The following TMEM39B variants were observed in gnomAD, a reference collection of about 807,000 sequenced individuals.
TMEM39B encodes the protein transmembrane protein 39B.
Under a neutral mutation model 52.2 loss-of-function variants are expected in TMEM39B, and 23 were observed. The observed-to-expected ratio is 0.44, with a 90% CI of 0.32 to 0.62. TMEM39B has a LOEUF of 0.62. TMEM39B is among the 20% of genes least tolerant of loss of function. TMEM39B has a pLI of 0.06. For synonymous variants in TMEM39B, 285 were observed against 264.0 expected (o/e 1.08, Z -0.77); for missense variants, 547 against 642.0 (o/e 0.85, Z 1.60).
chr1:32,102,723 CT>C lies in TMEM39B; in HGVS notation c.*51del. 1 of 1,418,780 alleles carries C rather than the reference CT, an allele frequency of 7.0e-7. No homozygotes were observed. 87.9% of individuals were successfully genotyped at this position (1,418,780 alleles called of 1,614,324 possible). On this transcript the variant is annotated 3_prime_UTR_variant, in exon 9 of 9. Transcript: ENST00000336294. Reference sequence around the variant, plus strand: ...CGTCCAGGCTTCAGCCAAGGGCTCCCTGGCAAGGGGCTGTTGGGTAGAAGTG... The same window carrying C: ...CGTCCAGGCTTCAGCCAAGGGCTCCCGGCAAGGGGCTGTTGGGTAGAAGTG...
intron 7 of TMEM39B, among the ~76,000 whole-genome samples, chr1:32,098,095 C>G (rs1248080789): frequency 6.6e-6 from 1 of 152,008 alleles, no homozygotes. Flanking sequence ...CTTCCGGGTT[C>G]AAGCGATTCT....
At chr1:32,078,773 T>C (rs1054534166) in intron 5 of TMEM39B, among the ~76,000 whole-genome samples, 13 of 152,088 alleles carry the variant, frequency 8.5e-5, no homozygotes, top group African/African-American at 3.1e-4. Context: ...CCCAAGTAAC[T>C]GGGATTACAG....
chr1:32,088,689 C>T (rs1485243328), intron 5 of TMEM39B, among the ~76,000 whole-genome samples: 1 of 151,636 alleles, frequency 6.6e-6, no homozygotes, highest in Non-Finnish European at 1.5e-5. Flanking sequence ...TCTAACCTGT[C>T]AGAGCAGTCT....
At chr1:32,086,779 A>G (rs1640367651) in intron 5 of TMEM39B, among the ~76,000 whole-genome samples, 1 of 151,206 alleles carries the variant, frequency 6.6e-6, no homozygotes, top group South Asian at 2.1e-4. Context: ...AAAAAAAAAA[A>G]GAGAGAGAAA....
intron 7 of TMEM39B, among the ~76,000 whole-genome samples, chr1:32,099,232 CA>C (rs35757706): frequency 0.01 from 878 of 86,438 alleles, 2 homozygotes; most frequent in Non-Finnish European, 0.012. Flanking sequence ...GACTCTGTCT[CA>C]AAAAAAAAAA....
intron 3 of TMEM39B, chr1:32,076,403 GC>G (rs1639862579): frequency 2.7e-6 from 1 of 369,520 alleles, no homozygotes; most frequent in South Asian, 2.1e-5. Flanking sequence ...GAGCCACCGC[GC>G]CCGGCCAGGA....
chr1:32,083,193 T>G (rs1640187524), intron 5 of TMEM39B, among the ~76,000 whole-genome samples: 1 of 143,218 alleles, frequency 7.0e-6, no homozygotes, highest in Non-Finnish European at 1.5e-5. Context: ...CAAGTGATTC[T>G]CCTCCCTCAG....
At chr1:32,089,678 ACT>A (rs1279551221) in intron 5 of TMEM39B, among the ~76,000 whole-genome samples, 6 of 146,888 alleles carry the variant, frequency 4.1e-5, no homozygotes, top group Non-Finnish European at 7.5e-5. Flanking sequence ...ATGGAGTCTC[ACT>A]CTGTTACCCA....
chr1:32,081,035 A>G (rs1349540900), intron 5 of TMEM39B, among the ~76,000 whole-genome samples: 2 of 151,968 alleles, frequency 1.3e-5, no homozygotes, highest in Non-Finnish European at 2.9e-5. Flanking sequence ...GTCTCTAAAA[A>G]TAAATAAATA....
chr1:32,080,401 C>G (rs1390256079), intron 5 of TMEM39B, among the ~76,000 whole-genome samples: 1 of 151,878 alleles, frequency 6.6e-6, no homozygotes, highest in Non-Finnish European at 1.5e-5. Flanking sequence ...CGCGGTGGCT[C>G]ATGCCTGTAA....
At chr1:32,082,326 C>T (rs1431219137) in intron 5 of TMEM39B, among the ~76,000 whole-genome samples, 7 of 152,086 alleles carry the variant, frequency 4.6e-5, no homozygotes. Context: ...AATTAAAAAC[C>T]AGTATGTGGC....
At chr1:32,095,052 T>G (rs549982507) in intron 7 of TMEM39B, 81 bp downstream of exon 7, 3 of 1,476,250 alleles carry the variant, frequency 2.0e-6, no homozygotes, top group Middle Eastern at 2.0e-4. Flanking sequence ...GCTGATTAAC[T>G]TATTTAGTTA....
intron 6 of TMEM39B, among the ~76,000 whole-genome samples, chr1:32,093,024 C>G (rs1640667451): frequency 1.3e-5 from 2 of 152,224 alleles, no homozygotes; most frequent in South Asian, 4.1e-4. Context: ...AAAGCCTGTG[C>G]TCTCTTTGTC....
intron 5 of TMEM39B, among the ~76,000 whole-genome samples, chr1:32,085,305 CTCTCTT>C (rs1197646992): frequency 6.6e-6 from 1 of 152,132 alleles, no homozygotes; most frequent in African/African-American, 2.4e-5. Context: ...CTCTCTCTCT[CTCTCTT>C]TGTATGTGCA....
At chr1:32,096,011 C>T (rs1413027435) in intron 7 of TMEM39B, among the ~76,000 whole-genome samples, 2 of 152,148 alleles carry the variant, frequency 1.3e-5, no homozygotes, top group South Asian at 2.1e-4. Context: ...TGGTCCTTCG[C>T]GTGGCTTCCC....
At chr1:32,078,612 AT>A (rs1167083708) in intron 5 of TMEM39B, among the ~76,000 whole-genome samples, 2 of 152,318 alleles carry the variant, frequency 1.3e-5, no homozygotes, top group East Asian at 3.9e-4. Context: ...TTTTCCCAAA[AT>A]ATTTTCTGTG....
intron 5 of TMEM39B, among the ~76,000 whole-genome samples, chr1:32,086,042 G>A (rs980835365): frequency 2.0e-5 from 3 of 152,178 alleles, no homozygotes; most frequent in Non-Finnish European, 2.9e-5. Context: ...TTGAGCCTCC[G>A]TAGGCCAGAA....
rs764240883 is a variant in TMEM39B, at chr1:32,102,662, C to T, written c.1468C>T (p.Arg490Cys). Residue 490 changes from arginine (R) to cysteine (C), a missense_variant, in exon 9 of 9, where the codon CGT becomes TGT. Transcript: ENST00000336294. ...TAGCCCCCAGAGAGACCTGGACCAC[C>T]GTTTCTCCTGAGCCCTGGGGTCACC... ...SASPQRDLDH[R>C]FS 1.9e-6 allele frequency: 3 copies of T among 1,574,418 alleles called. No homozygotes were observed. Among genetic ancestry groups the T allele is most frequent in the Non-Finnish European group, 1.7e-6 (2 of 1,157,872 alleles).
chr1:32,072,585 G>A (rs377565401), upstream of TMEM39B: 30 of 174,268 alleles, frequency 1.7e-4, no homozygotes, highest in South Asian at 1.7e-3. Flanking sequence ...AGCGCAGTGA[G>A]GCCTAAGAGA....
Sources: allele counts gnomAD v4.1 joint callset (sites outside exome capture counted in the v4.1 genomes callset), GRCh38; gene constraint gnomAD v4.1.1; transcripts MANE v1.5; gene names NCBI Gene and HGNC (gene_info 2026-07-23, HGNC 2026-07-21).